The following BLTP1 variants were observed in gnomAD, a reference collection of about 807,000 sequenced individuals.
BLTP1 encodes fragile site-associated protein.
the BLTP1 span, chr4:122,209,067 C>A: frequency 1.6e-6 from 2 of 1,222,708 alleles, no homozygotes; most frequent in Non-Finnish European, 2.1e-6. Flanking sequence ...AACTTATTTC[C>A]AAGATTGTTG....
At chr4:122,212,085 G>A in the BLTP1 span, 1 of 984,308 alleles carries the variant, frequency 1.0e-6, no homozygotes, top group Non-Finnish European at 1.2e-6. Flanking sequence ...AGAGGGACTA[G>A]GATGTTTAGG....
chr4:122,161,704 C>T, the BLTP1 span, among the ~76,000 whole-genome samples: 189 of 152,152 alleles, frequency 1.2e-3, no homozygotes, highest in African/African-American at 4.1e-3. Flanking sequence ...GGATTACAGG[C>T]GTGAGCCACA....
At chr4:122,309,847 C>T in the BLTP1 span, among the ~76,000 whole-genome samples, 8 of 152,106 alleles carry the variant, frequency 5.3e-5, no homozygotes, top group Middle Eastern at 3.4e-3. Flanking sequence ...GGACCAGGAA[C>T]GCCAGCCTTA....
chr4:122,262,388 G>A, the BLTP1 span, among the ~76,000 whole-genome samples: 1 of 152,006 alleles, frequency 6.6e-6, no homozygotes, highest in South Asian at 2.1e-4. Flanking sequence ...CTGCTCCTTA[G>A]GTATGAATAG....
chr4:122,297,312 A>G, the BLTP1 span, among the ~76,000 whole-genome samples: 4 of 152,242 alleles, frequency 2.6e-5, no homozygotes, highest in Non-Finnish European at 5.9e-5. Context: ...AAAGCTCAGC[A>G]TCACTGATCA....
At chr4:122,360,974 A>T in the BLTP1 span, among the ~76,000 whole-genome samples, 1 of 152,192 alleles carries the variant, frequency 6.6e-6, no homozygotes, top group Non-Finnish European at 1.5e-5. Context: ...CTGTAAGCCC[A>T]GCTCTTTTGC....
the BLTP1 span, among the ~76,000 whole-genome samples, chr4:122,261,090 C>G: frequency 6.6e-6 from 1 of 152,154 alleles, no homozygotes; most frequent in African/African-American, 2.4e-5. Context: ...ACAGGACTTA[C>G]TTTCTATTGA....
chr4:122,194,672 AT>A, the BLTP1 span: 1 of 907,100 alleles, frequency 1.1e-6, no homozygotes. Context: ...GTGTGTTTGC[AT>A]TTTTTAGCAC....
At chr4:122,292,402 T>G in the BLTP1 span, 8 of 821,884 alleles carry the variant, frequency 9.7e-6, no homozygotes, top group Non-Finnish European at 1.2e-5. Context: ...ACATTTAGAG[T>G]ATTAGTATTA....
the BLTP1 span, chr4:122,305,048 C>A: frequency 7.0e-7 from 1 of 1,434,150 alleles, no homozygotes; most frequent in African/African-American, 1.4e-5. Flanking sequence ...ATTTTAACTA[C>A]TGTAACTTAT....
At chr4:122,276,404 C>T in the BLTP1 span, 1 of 950,918 alleles carries the variant, frequency 1.1e-6, no homozygotes, top group African/African-American at 1.8e-5. Context: ...ATTATTAAAA[C>T]ACTAACAAAA....
the BLTP1 span, among the ~76,000 whole-genome samples, chr4:122,173,911 A>G: frequency 3.9e-5 from 6 of 152,304 alleles, no homozygotes; most frequent in Admixed American, 6.5e-5. Flanking sequence ...TTCATGTTCA[A>G]TGTAGTTTTG....
At chr4:122,281,582 A>G in the BLTP1 span, 1 of 1,612,572 alleles carries the variant, frequency 6.2e-7, no homozygotes, top group Non-Finnish European at 8.5e-7. Flanking sequence ...ACCTTCTGAA[A>G]AAACCCCAAC....
chr4:122,349,194 G>C, the BLTP1 span: 2 of 1,612,658 alleles, frequency 1.2e-6, no homozygotes, highest in East Asian at 4.5e-5. The surrounding 1 kb of genome is among the most constrained non-coding windows in gnomAD (Gnocchi z 4.5). Context: ...AGGGCCGTCT[G>C]TCAGTAGGAA....
At chr4:122,188,685 G>T in the BLTP1 span, among the ~76,000 whole-genome samples, 42 of 151,676 alleles carry the variant, frequency 2.8e-4, no homozygotes, top group Non-Finnish European at 5.7e-4. Flanking sequence ...ACTAGACTCA[G>T]TGTGATGGGA....
the BLTP1 span, among the ~76,000 whole-genome samples, chr4:122,180,933 A>G: frequency 1.4e-4 from 22 of 152,228 alleles, no homozygotes; most frequent in African/African-American, 5.1e-4. Context: ...ATAAAATAAC[A>G]GAAAGGGACA....
the BLTP1 span, chr4:122,214,563 C>T: frequency 1.1e-6 from 1 of 938,484 alleles, no homozygotes. Flanking sequence ...TTACCATCTA[C>T]CTTACATTTG....
chr4:122,243,091 T>TA, the BLTP1 span: 1 of 1,607,380 alleles, frequency 6.2e-7, no homozygotes, highest in Non-Finnish European at 8.5e-7. Context: ...ATCATGCTTT[T>TA]AAAGTGTCTT....
the BLTP1 span, chr4:122,187,110 A>T: frequency 1.0e-6 from 1 of 984,278 alleles, no homozygotes; most frequent in Admixed American, 6.2e-5. Flanking sequence ...GTCGTATAGT[A>T]ACATAATGGG....
Sources: gnomAD v4.1 joint callset for allele counts (sites outside exome capture counted in the v4.1 genomes callset) on GRCh38, gnomAD v4.1.1 for gene constraint, Gnocchi (gnomAD v3.1) non-coding constraint, MANE v1.5 for transcripts, NCBI Gene and HGNC (gene_info 2026-07-23, HGNC 2026-07-21) for gene names.